The following COL22A1 variants were observed in gnomAD, a reference collection of about 807,000 sequenced individuals.
COL22A1 encodes collagen type XXII alpha 1 chain.
Under a neutral mutation model 248.9 loss-of-function variants are expected in COL22A1, and 221 were observed. The ratio of observed to expected loss-of-function variants is 0.89; its 90% confidence interval spans 0.80 to 0.99. The LOEUF (loss-of-function observed/expected upper bound fraction) is 0.99. COL22A1 is among the 50% of genes least tolerant of loss of function. The pLI is 0.00. For missense variants in COL22A1, 2,240 were observed against 2,179.0 expected, an observed-to-expected ratio of 1.03 and a Z score of -0.56; for synonymous variants, 891 against 793.4, an observed-to-expected ratio of 1.12 and a Z score of -2.07.
intron 1 of COL22A1, among the ~76,000 whole-genome samples, chr8:138,901,389 C>T (rs1430361482): frequency 1.8e-5 from 1 of 54,234 alleles, no homozygotes; most frequent in Non-Finnish European, 4.2e-5. Flanking sequence ...TTTTTTGAGA[C>T]AGTCTCTCAC....
At chr8:138,805,886 T>C (rs1329458597) in intron 10 of COL22A1, among the ~76,000 whole-genome samples, 1 of 132,258 alleles carries the variant, frequency 7.6e-6, no homozygotes, top group African/African-American at 2.9e-5. Flanking sequence ...TTGTGTGTGA[T>C]GGTGTATTAT....
Position 138,826,715 on chromosome 8 carries a change from G to C in COL22A1, c.912C>G (p.Thr304=), listed in dbSNP as rs1417685771. Residue 304 remains threonine (T), a synonymous_variant, in exon 6 of 65, where the codon ACC becomes ACG. Coordinates refer to ENST00000303045, the MANE Select transcript of COL22A1 (RefSeq NM_152888.3). ...AFVTTFRFRK[T]SRKEDWYIWQ... is the part of the protein sequence containing the mutation. ...AGATATACCAGTCTTCCTTCCGAGA[G>C]GTTTTCCTGAACCGGAAGGTTGTGA... The C allele has an allele frequency of 1.9e-6, 3 of 1,613,978 alleles. No homozygotes were observed. Among genetic ancestry groups the C allele is most frequent in the Non-Finnish European group, 2.5e-6 (3 of 1,179,912 alleles).
At chr8:138,901,703 A>G (rs1212987208) in intron 1 of COL22A1, among the ~76,000 whole-genome samples, 2 of 152,020 alleles carry the variant, frequency 1.3e-5, no homozygotes, top group African/African-American at 4.8e-5. Context: ...ACAAGACCCA[A>G]AACGACATAA....
chr8:138,892,639 C>T (rs1278136546), intron 1 of COL22A1, among the ~76,000 whole-genome samples: 3 of 152,204 alleles, frequency 2.0e-5, no homozygotes, highest in Non-Finnish European at 2.9e-5. Context: ...CCATTAGTCT[C>T]CCAAAAGTCC....
intron 36 of COL22A1, among the ~76,000 whole-genome samples, chr8:138,689,516 G>C (rs749089036): frequency 4.6e-5 from 7 of 152,136 alleles, no homozygotes; most frequent in Non-Finnish European, 8.8e-5. Context: ...AGGAGTTCAA[G>C]ACCAGCCTGG....
At chr8:138,616,854 G>A (rs1435988515) in intron 54 of COL22A1, 60 bp downstream of exon 54, 1 of 1,589,248 alleles carries the variant, frequency 6.3e-7, no homozygotes, top group Non-Finnish European at 8.6e-7. Flanking sequence ...AGTATCTTCT[G>A]TCTGGGAAGT....
At chr8:138,770,167 G>T (rs1227420537) in intron 16 of COL22A1, among the ~76,000 whole-genome samples, 1 of 152,140 alleles carries the variant, frequency 6.6e-6, no homozygotes, top group Admixed American at 6.5e-5. Flanking sequence ...GCCCCTCCTT[G>T]CTCTGAGTCA....
intron 3 of COL22A1, among the ~76,000 whole-genome samples, chr8:138,870,918 G>A (rs762591894): frequency 2.0e-5 from 3 of 151,616 alleles, no homozygotes; most frequent in Admixed American, 6.6e-5. Flanking sequence ...TGCCTGGTAC[G>A]CACGGTGTTT....
intron 7 of COL22A1, among the ~76,000 whole-genome samples, chr8:138,815,918 T>G (rs1361428272): frequency 6.6e-6 from 1 of 152,180 alleles, no homozygotes; most frequent in Non-Finnish European, 1.5e-5. Context: ...GGAGTCCCTC[T>G]GCACACTGAA....
At chr8:138,905,392 G>A (rs1324661183) in intron 1 of COL22A1, among the ~76,000 whole-genome samples, 2 of 152,170 alleles carry the variant, frequency 1.3e-5, no homozygotes, top group East Asian at 1.9e-4. Flanking sequence ...TGGAACTTCC[G>A]AGATGCTGGC....
intron 1 of COL22A1, among the ~76,000 whole-genome samples, chr8:138,899,532 C>CT (rs372519897): frequency 6.8e-4 from 103 of 151,086 alleles, no homozygotes; most frequent in Non-Finnish European, 1.1e-3. Flanking sequence ...TCATAATTTT[C>CT]TTTTTTTTTG....
At chr8:138,772,048 C>T (rs138762351) in intron 16 of COL22A1, among the ~76,000 whole-genome samples, 21 of 152,228 alleles carry the variant, frequency 1.4e-4, no homozygotes, top group East Asian at 5.8e-4. Flanking sequence ...TCCTGTTGGC[C>T]GTCTCATCCA....
intron 3 of COL22A1, among the ~76,000 whole-genome samples, chr8:138,865,970 T>A (rs1822864402): frequency 6.6e-6 from 1 of 151,920 alleles, no homozygotes; most frequent in African/African-American, 2.4e-5. Flanking sequence ...TGTGTGAGTA[T>A]ATGTGTGTGT....
chr8:138,741,972 TGGTA>T (rs1831606660), intron 22 of COL22A1, among the ~76,000 whole-genome samples: 1 of 135,238 alleles, frequency 7.4e-6, no homozygotes, highest in South Asian at 2.2e-4. Context: ...GTGATGGTGA[TGGTA>T]GAGTTGATGG....
At chr8:138,830,885 A>G (rs1819991338) in intron 5 of COL22A1, among the ~76,000 whole-genome samples, 1 of 151,784 alleles carries the variant, frequency 6.6e-6, no homozygotes, top group South Asian at 2.1e-4. Flanking sequence ...GACTCTGCTC[A>G]TCCCTGTGCA....
chr8:138,762,560 G>T, intron 16 of COL22A1, 94 bp from the exon 17 acceptor site: 1 of 1,242,706 alleles, frequency 8.0e-7, no homozygotes, highest in South Asian at 1.3e-5. Context: ...TGGACAAGGA[G>T]GGTGGGGAAA....
At chr8:138,615,488 G>A (rs561351665) in intron 55 of COL22A1, among the ~76,000 whole-genome samples, 31 of 148,476 alleles carry the variant, frequency 2.1e-4, no homozygotes, top group Admixed American at 1.8e-3. Flanking sequence ...ATGAGATCAC[G>A]CCAATGCACT....
At chr8:138,618,018 G>A (rs1819475164) in intron 53 of COL22A1, among the ~76,000 whole-genome samples, 1 of 152,150 alleles carries the variant, frequency 6.6e-6, no homozygotes, top group South Asian at 2.1e-4. Flanking sequence ...CCAGCCCAGA[G>A]GAAGAGACTC....
At chr8:138,903,411 G>C (rs552251766) in intron 1 of COL22A1, among the ~76,000 whole-genome samples, 3 of 152,188 alleles carry the variant, frequency 2.0e-5, no homozygotes, top group African/African-American at 7.2e-5. Flanking sequence ...TTTTATGCTT[G>C]GGGTAACATG....
Sources: gnomAD v4.1 joint callset for allele counts (sites outside exome capture counted in the v4.1 genomes callset) on GRCh38, gnomAD v4.1.1 for gene constraint, MANE v1.5 for transcripts, NCBI Gene and HGNC (gene_info 2026-07-23, HGNC 2026-07-21) for gene names.